LRFN5: variants seen among roughly 807,000 people sequenced by gnomAD.
The protein encoded by LRFN5 is leucine-rich repeat and fibronectin type-III domain-containing protein 5.
Under a neutral mutation model 45.6 loss-of-function variants are expected in LRFN5, and 24 were observed. That is an observed-to-expected ratio of 0.53 (90% confidence interval 0.38 to 0.74). The LOEUF is 0.74. LRFN5 is among the 30% of genes least tolerant of loss of function. LRFN5 has a pLI of 0.00. For synonymous variants in LRFN5, 340 were observed against 313.8 expected (o/e 1.08, Z -0.88); for missense variants, 776 against 861.5 (o/e 0.90, Z 1.24).
intron 2 of LRFN5, among the ~76,000 whole-genome samples, chr14:41,872,401 T>C (rs1890050175): frequency 1.3e-5 from 2 of 152,246 alleles, no homozygotes; most frequent in South Asian, 4.1e-4. Context: ...ATATTCATAT[T>C]TGATGCTTTA....
chr14:41,852,866 C>CTTA (rs893673840), intron 2 of LRFN5, among the ~76,000 whole-genome samples: 1 of 151,960 alleles, frequency 6.6e-6, no homozygotes, highest in Non-Finnish European at 1.5e-5. Flanking sequence ...TCTGCCTGAT[C>CTTA]TTATACCTTG....
chr14:41,777,636 G>A (rs1473419248), intron 2 of LRFN5, among the ~76,000 whole-genome samples: 1 of 151,672 alleles, frequency 6.6e-6, no homozygotes, highest in Non-Finnish European at 1.5e-5. Flanking sequence ...ATCTAATTGA[G>A]CATGCTAGGA....
chr14:41,746,360 G>A (rs1884919559), intron 1 of LRFN5, among the ~76,000 whole-genome samples: 1 of 151,894 alleles, frequency 6.6e-6, no homozygotes, highest in Non-Finnish European at 1.5e-5. Context: ...TATTATAAAA[G>A]TCATGTATGA....
At chr14:41,825,419 C>A (rs1888261057) in intron 2 of LRFN5, among the ~76,000 whole-genome samples, 1 of 152,182 alleles carries the variant, frequency 6.6e-6, no homozygotes, top group Non-Finnish European at 1.5e-5. Context: ...GAACAGTCAC[C>A]TTCAGCTCAC....
At chr14:41,778,050 A>T (rs1396685989) in intron 2 of LRFN5, among the ~76,000 whole-genome samples, 1 of 150,730 alleles carries the variant, frequency 6.6e-6, no homozygotes, top group Non-Finnish European at 1.5e-5. Context: ...ATACTTTTGA[A>T]TATCTCAATA....
chr14:41,730,263 T>C (rs1254530224), intron 1 of LRFN5, among the ~76,000 whole-genome samples: 1 of 152,094 alleles, frequency 6.6e-6, no homozygotes, highest in Non-Finnish European at 1.5e-5. Flanking sequence ...CTAAACTATA[T>C]TATTTAAAAA....
intron 2 of LRFN5, among the ~76,000 whole-genome samples, chr14:41,840,431 A>G (rs539345562): frequency 2.8e-4 from 42 of 152,212 alleles, no homozygotes; most frequent in African/African-American, 1.0e-3. Context: ...CAACAGTGCC[A>G]TGGAATGACT....
In LRFN5 at chr14:41,844,248, T is replaced by G. The variant is rs56397938; in HGVS notation, c.-20-42358T>G. 1.3e-4 allele frequency among the ~76,000 whole-genome samples: 19 copies of G among 151,812 alleles called. No homozygotes were observed. The South Asian group carries it at 2.9e-3, about 23-fold the overall frequency. On this transcript the variant is annotated intron_variant, in intron 2 of 5. Coordinates refer to ENST00000298119, the MANE Select transcript of LRFN5 (RefSeq NM_152447.5). Reference sequence around the variant, plus strand: ...GTCAGGAGATCGAGACCATCCTGGCTAACATGGTGAAACCCCGTCTCTACT... The same window carrying G: ...GTCAGGAGATCGAGACCATCCTGGCGAACATGGTGAAACCCCGTCTCTACT...
chr14:41,813,025 AATAG>A (rs1887789304), intron 2 of LRFN5, among the ~76,000 whole-genome samples: 1 of 152,196 alleles, frequency 6.6e-6, no homozygotes, highest in Non-Finnish European at 1.5e-5. Context: ...AGTGATGAGA[AATAG>A]ATAGGAAAGT....
chr14:41,735,509 C>A (rs1175547407), intron 1 of LRFN5, among the ~76,000 whole-genome samples: 10 of 152,226 alleles, frequency 6.6e-5, no homozygotes, highest in African/African-American at 2.4e-4. Context: ...TGGGCTCAAG[C>A]AGTCCTTCTG....
In LRFN5 at chr14:41,902,758, T is replaced by TG. The variant is rs552123297; in HGVS notation, c.2143-1400_2143-1399insG. Among the ~76,000 whole-genome samples, 515 of 151,896 alleles carry TG rather than the reference T, an allele frequency of 3.4e-3. 3 individuals are homozygous for TG. Among genetic ancestry groups the TG allele is most frequent in the African/African-American group, 0.012 (478 of 41,556 alleles). On this transcript the variant is annotated intron_variant, in intron 5 of 5. Transcript: ENST00000298119. ...TTCTAGGTGTACTGCAACTTTTACT[T>TG]TTACTACTTTTTGTAACTTGACCTT...
chr14:41,746,245 G>GAA (rs1021858784), intron 1 of LRFN5, among the ~76,000 whole-genome samples: 1 of 151,768 alleles, frequency 6.6e-6, no homozygotes, highest in Non-Finnish European at 1.5e-5. Context: ...CAGAATGAAG[G>GAA]AAAAAATACA....
chr14:41,697,656 CTT>C (rs202245507), intron 1 of LRFN5, among the ~76,000 whole-genome samples: 13 of 140,064 alleles, frequency 9.3e-5, no homozygotes, highest in Admixed American at 1.4e-4. Context: ...CTTCACTGCT[CTT>C]TTTTTTTTTT....
intron 1 of LRFN5, among the ~76,000 whole-genome samples, chr14:41,688,589 T>A (rs1267173568): frequency 6.6e-6 from 1 of 150,784 alleles, no homozygotes; most frequent in African/African-American, 2.4e-5. Flanking sequence ...TACACAAATT[T>A]AAACCAAACA....
intron 2 of LRFN5, among the ~76,000 whole-genome samples, chr14:41,864,330 T>C (rs961216068): frequency 1.3e-5 from 2 of 152,170 alleles, no homozygotes; most frequent in Admixed American, 6.5e-5. Flanking sequence ...CTCTCCAGCA[T>C]CTGTTGTTTC....
At chr14:41,670,256 GATATATATATATAT>G (rs1165968461) in intron 1 of LRFN5, among the ~76,000 whole-genome samples, 1,833 of 45,722 alleles carry the variant, frequency 0.04, 49 homozygotes, top group Admixed American at 0.056. Flanking sequence ...CATACACACA[GATATATATATATAT>G]ATATATATAT....
At chr14:41,882,909 C>A (rs544969767) in intron 2 of LRFN5, among the ~76,000 whole-genome samples, 167 of 132,060 alleles carry the variant, frequency 1.3e-3, no homozygotes, top group African/African-American at 4.6e-3. Flanking sequence ...AGTGTAATGG[C>A]GCGATCTCTG....
At chr14:41,671,625 T>G (rs964393765) in intron 1 of LRFN5, among the ~76,000 whole-genome samples, 1 of 139,456 alleles carries the variant, frequency 7.2e-6, no homozygotes, top group South Asian at 2.5e-4. Flanking sequence ...TCGTTTTTTT[T>G]TTTTTTTTTT....
At chr14:41,739,005 T>A (rs1884571098) in intron 1 of LRFN5, among the ~76,000 whole-genome samples, 1 of 152,360 alleles carries the variant, frequency 6.6e-6, no homozygotes, top group Admixed American at 6.5e-5. Context: ...CATGTTAGTC[T>A]ACAAGTCAAT....
Sources: allele counts gnomAD v4.1 joint callset (sites outside exome capture counted in the v4.1 genomes callset), GRCh38; gene constraint gnomAD v4.1.1; transcripts MANE v1.5; gene names NCBI Gene and HGNC (gene_info 2026-07-23, HGNC 2026-07-21).